SHLD2: variants seen among roughly 807,000 people sequenced by gnomAD.
SHLD2 encodes RINN1-REV7-interacting novel NHEJ regulator 2.
Under a neutral mutation model 73.2 loss-of-function variants are expected in SHLD2, and 30 were observed. The ratio of observed to expected loss-of-function variants is 0.41; its 90% CI spans 0.31 to 0.56. The LOEUF (loss-of-function observed/expected upper bound fraction) is 0.56, where lower values mean the gene tolerates loss of function less well. SHLD2 is among the 20% of genes least tolerant of loss of function. The pLI is 0.28. For missense variants in SHLD2, 745 were observed against 1,055.9 expected (o/e 0.71, Z 4.08); for synonymous variants, 285 against 370.1 (o/e 0.77, Z 2.64).
rs1564599786 is a variant in SHLD2 at position 87,151,911 on chromosome 10, A to T, written c.557A>T (p.Lys186Ile). 6.2e-7 allele frequency: 1 copy of T among 1,611,366 alleles called. No homozygotes were observed. The highest frequency in any genetic ancestry group is 8.5e-7 in the Non-Finnish European group (1 of 1,179,450). The change falls in exon 3 of 10, where the codon AAA becomes ATA. Residue 186 changes from lysine (K) to isoleucine (I), a missense_variant. By Grantham distance (102) the Lys-to-Ile change is moderately radical. This residue lies in a region of SHLD2 where 280 missense variants were observed against 353.9 expected (regional missense o/e 0.79). Coordinates refer to ENST00000298786, the MANE Select transcript of SHLD2 (RefSeq NM_001330112.2). The stretch of plus-strand genomic sequence containing the variant: ...TTGGATTTGGTTTGTAGTACTGAAA[A>T]AATTAATATAGGGCCTGAAGTGGTA... ...AVLDLVCSTE[K>I]INIGPEVVQR...
intron 8 of SHLD2, among the ~76,000 whole-genome samples, chr10:87,183,019 C>T (rs540214372): frequency 3.9e-5 from 6 of 152,138 alleles, no homozygotes; most frequent in African/African-American, 9.6e-5. Flanking sequence ...GTTAGCTGTG[C>T]GTTGGAGAGT....
chr10:87,172,525 A>G (rs1784618710), intron 6 of SHLD2, among the ~76,000 whole-genome samples: 1 of 152,252 alleles, frequency 6.6e-6, no homozygotes, highest in Admixed American at 6.5e-5. Flanking sequence ...AGAAAGATAT[A>G]TGTAATGTAT....
At chr10:87,149,788 G>T (rs1481643380) in intron 2 of SHLD2, among the ~76,000 whole-genome samples, 1 of 152,114 alleles carries the variant, frequency 6.6e-6, no homozygotes, top group African/African-American at 2.4e-5. Flanking sequence ...AAGTGCAGTG[G>T]TGTGATCATG....
At chr10:87,141,656 T>G (rs1845203521) in intron 2 of SHLD2, among the ~76,000 whole-genome samples, 1 of 152,204 alleles carries the variant, frequency 6.6e-6, no homozygotes. Flanking sequence ...TGAATGTTCT[T>G]TCACAAGTGA....
At position 87,152,412 on chromosome 10, in the gene SHLD2, A is replaced by G. The variant is rs201907610; in HGVS notation, c.1058A>G (p.Glu353Gly). 1.7e-4 allele frequency: 278 copies of G among 1,602,280 alleles called. No individual in the cohort carries two copies. Among genetic ancestry groups the G allele is most frequent in the Non-Finnish European group, 2.2e-4 (260 of 1,174,692 alleles). ...FSSEDELPPNEIRIELCSSGI... is the reference protein window; with the variant it reads ...FSSEDELPPNGIRIELCSSGI... ...TCTGAAGATGAACTGCCACCAAATG[A>G]GATACGTATTGAGTTGTGTAGCTCA... Residue 353 changes from glutamate (E) to glycine (G), a missense_variant, in exon 3 of 10, where the codon GAG becomes GGG. By Grantham distance (98) the Glu-to-Gly change is moderately conservative (BLOSUM62 -2). Around this residue, in one of 5 missense-constraint regions of SHLD2, gnomAD observed 26 missense variants for 86.4 expected, o/e 0.30. Transcript: ENST00000298786.
At chr10:87,159,124 C>CTGCA (rs1846636642) in intron 4 of SHLD2, among the ~76,000 whole-genome samples, 1 of 151,934 alleles carries the variant, frequency 6.6e-6, no homozygotes, top group South Asian at 2.1e-4. Context: ...AAGAAGATAA[C>CTGCA]TGGAATAATA....
chr10:87,146,882 C>T (rs1333620929), intron 2 of SHLD2, among the ~76,000 whole-genome samples: 3 of 151,440 alleles, frequency 2.0e-5, no homozygotes, highest in Non-Finnish European at 2.9e-5. Context: ...CATGGAGAAA[C>T]CCCATCTCTA....
At chr10:87,134,672 T>C (rs1160544828) in intron 2 of SHLD2, among the ~76,000 whole-genome samples, 3 of 152,198 alleles carry the variant, frequency 2.0e-5, no homozygotes, top group African/African-American at 7.2e-5. Context: ...GCAGGATTGC[T>C]GAGAGAAATC....
intron 2 of SHLD2, among the ~76,000 whole-genome samples, chr10:87,125,516 C>T (rs191674771): frequency 2.6e-4 from 39 of 152,312 alleles, no homozygotes; most frequent in African/African-American, 9.1e-4. Context: ...CGGCAGATCA[C>T]CTGAGGTCAG....
At chr10:87,168,538 A>G (rs538549929) in intron 4 of SHLD2, among the ~76,000 whole-genome samples, 1 of 150,152 alleles carries the variant, frequency 6.7e-6, no homozygotes, top group African/African-American at 2.5e-5. Flanking sequence ...GGTGGAGTTT[A>G]CAGTGAGCTG....
intron 2 of SHLD2, among the ~76,000 whole-genome samples, chr10:87,122,386 A>C (rs1034484760): frequency 6.6e-6 from 1 of 152,136 alleles, no homozygotes; most frequent in African/African-American, 2.4e-5. Flanking sequence ...TTTAAAATTC[A>C]CTTCCTAGCC....
intron 1 of SHLD2, among the ~76,000 whole-genome samples, chr10:87,096,153 C>T (rs1287436781): frequency 7.3e-6 from 1 of 137,768 alleles, no homozygotes; most frequent in Non-Finnish European, 1.6e-5. Context: ...TCTAGCGATT[C>T]TCCTGCCTCA....
intron 6 of SHLD2, among the ~76,000 whole-genome samples, chr10:87,174,896 A>G (rs1847844586): frequency 6.6e-6 from 1 of 152,044 alleles, no homozygotes; most frequent in African/African-American, 2.4e-5. Context: ...CGGGCGGATC[A>G]TGAGGTCAGG....
intron 3 of SHLD2, among the ~76,000 whole-genome samples, chr10:87,155,995 G>A (rs1846393410): frequency 1.3e-5 from 2 of 151,702 alleles, no homozygotes; most frequent in East Asian, 1.9e-4. Flanking sequence ...TCCTAATGAG[G>A]CAGTGAACTT....
Position 87,170,498 on chromosome 10 carries a change from G to A in SHLD2, c.1654G>A (p.Val552Ile), listed in dbSNP as rs1396672499. The A allele has an allele frequency of 6.3e-7, 1 of 1,595,522 alleles. No homozygotes were observed. The highest frequency in any genetic ancestry group is 1.3e-5 in the African/African-American group (1 of 74,106). ...CTTAGATTCCAGTGTAGTTAGTGAA[G>A]TTGTACTTCAAGACTTACTGGCATA... ...PEEYSSVVSE[V>I]VLQDLLAYVS... is the part of the protein sequence containing the mutation. Residue 552 changes from valine (V) to isoleucine (I), a missense_variant, in exon 5 of 10, where the codon GTT becomes ATT. Around this residue, in one of 5 missense-constraint regions of SHLD2, gnomAD observed 418 missense variants for 567.8 expected, o/e 0.74. Coordinates refer to ENST00000298786, the MANE Select transcript of SHLD2 (RefSeq NM_001330112.2).
At chr10:87,109,890 T>G (rs1842818077) in intron 2 of SHLD2, among the ~76,000 whole-genome samples, 3 of 152,348 alleles carry the variant, frequency 2.0e-5, no homozygotes, top group Non-Finnish European at 4.4e-5. Context: ...TTCTGAGGAT[T>G]AATTTTATAT....
At chr10:87,127,497 G>T in intron 2 of SHLD2, among the ~76,000 whole-genome samples, 2 of 122,120 alleles carry the variant, frequency 1.6e-5, no homozygotes, top group South Asian at 2.8e-4. Context: ...CTTGGATATG[G>T]ATCATCAGAA....
At chr10:87,112,133 G>T (rs1345422079) in intron 2 of SHLD2, among the ~76,000 whole-genome samples, 1 of 151,756 alleles carries the variant, frequency 6.6e-6, no homozygotes, top group African/African-American at 2.4e-5. Flanking sequence ...AGCTACTCGG[G>T]AGGCTGAGGC....
In SHLD2 at chr10:87,190,550, G is replaced by A; in HGVS notation, c.2582G>A (p.Ser861Asn). The change falls in exon 10 of 10, where the codon AGC becomes AAC. Residue 861 changes from serine to asparagine, a missense_variant. Transcript: ENST00000298786. ...ADLFHSLLAV[S>N]AEPCVLKIQS... is the part of the protein sequence containing the mutation. ...CTGTTCCACTCCTTGTTGGCAGTCA[G>A]CGCAGAACCTTGTGTATTAAAGATT... The A allele has an allele frequency of 6.2e-7, 1 of 1,611,992 alleles. No individual in the cohort carries two copies. The highest frequency in any genetic ancestry group is 8.5e-7 in the Non-Finnish European group (1 of 1,179,836).
Sources: gnomAD v4.1 joint callset for allele counts (sites outside exome capture counted in the v4.1 genomes callset) on GRCh38, gnomAD v4.1.1 for gene constraint, gnomAD v4.1.1 regional missense constraint, MANE v1.5 for transcripts, NCBI Gene and HGNC (gene_info 2026-07-23, HGNC 2026-07-21) for gene names.